The following CCSER1 variants were observed in gnomAD, a reference collection of about 807,000 sequenced individuals.
The protein encoded by CCSER1 is serine-rich coiled-coil domain-containing protein 1.
Under a neutral mutation model 82.0 loss-of-function variants are expected in CCSER1, and 41 were observed. The ratio of observed to expected loss-of-function variants is 0.50; its 90% CI spans 0.39 to 0.65. The LOEUF is 0.65. CCSER1 is among the 30% of genes least tolerant of loss of function. The pLI is 0.00. For missense variants in CCSER1, 1,119 were observed against 1,064.2 expected (o/e 1.05, Z -0.72); for synonymous variants, 414 against 383.9 (o/e 1.08, Z -0.92).
At chr4:91,363,716 GATTTTATTGAACACATTA>G (rs1360653993) in intron 10 of CCSER1, among the ~76,000 whole-genome samples, 3 of 151,732 alleles carry the variant, frequency 2.0e-5, no homozygotes, top group Non-Finnish European at 4.4e-5. Flanking sequence ...AAGAGTCAGT[GATTTTATTGAACACATTA>G]ATTTAGATAT....
At chr4:90,626,403 G>T (rs768747247) in intron 5 of CCSER1, among the ~76,000 whole-genome samples, 2 of 151,906 alleles carry the variant, frequency 1.3e-5, no homozygotes, top group South Asian at 4.1e-4. Flanking sequence ...ATTCTTATTG[G>T]TCTTAGAGAA....
At chr4:90,957,603 T>C (rs892489712) in intron 9 of CCSER1, among the ~76,000 whole-genome samples, 1 of 130,774 alleles carries the variant, frequency 7.6e-6, no homozygotes, top group South Asian at 2.2e-4. Context: ...TTATATTATA[T>C]ATAATATATA....
chr4:91,002,600 A>T (rs1189435231), intron 9 of CCSER1, among the ~76,000 whole-genome samples: 1 of 151,808 alleles, frequency 6.6e-6, no homozygotes, highest in Non-Finnish European at 1.5e-5. Context: ...TGAAGTTTTA[A>T]TTTTTTTTAA....
rs76747901 is a variant in CCSER1 at position 91,478,736 on chromosome 4, A to G, written c.2218-119836A>G. Among the ~76,000 whole-genome samples, 385 of 152,036 alleles carry G rather than the reference A, an allele frequency of 2.5e-3. 10 individuals carry two copies. In the East Asian group the frequency reaches 0.063, roughly 25 times the overall value. On this transcript the variant is annotated intron_variant, in intron 10 of 10. Coordinates refer to ENST00000509176, the MANE Select transcript of CCSER1 (RefSeq NM_001145065.2). Reference sequence around the variant, plus strand: ...ATAAATATTTCAGTTGATCATATAGATGACATTACTTATATTTCTATACCT... The same window carrying G: ...ATAAATATTTCAGTTGATCATATAGGTGACATTACTTATATTTCTATACCT...
chr4:90,355,503 A>G (rs1042173156), intron 3 of CCSER1, among the ~76,000 whole-genome samples: 1 of 152,050 alleles, frequency 6.6e-6, no homozygotes, highest in African/African-American at 2.4e-5. Flanking sequence ...ATATAAAATA[A>G]AATGAGTTAC....
At chr4:90,714,952 T>C (rs1050998798) in intron 6 of CCSER1, among the ~76,000 whole-genome samples, 1 of 152,004 alleles carries the variant, frequency 6.6e-6, no homozygotes, top group African/African-American at 2.4e-5. Context: ...GTCATTGTGG[T>C]GATGCTCTAA....
intron 10 of CCSER1, among the ~76,000 whole-genome samples, chr4:91,323,129 T>C (rs747751417): frequency 1.1e-4 from 16 of 152,110 alleles, no homozygotes; most frequent in Admixed American, 2.0e-4. Flanking sequence ...GCTGGACTCA[T>C]TGTAGCCAAC....
chr4:90,483,436 G>T (rs936791695), intron 5 of CCSER1, among the ~76,000 whole-genome samples: 6 of 152,136 alleles, frequency 3.9e-5, no homozygotes, highest in Admixed American at 6.5e-5. Flanking sequence ...TGATTGTTTT[G>T]CTTGTTAGTT....
intron 1 of CCSER1, among the ~76,000 whole-genome samples, chr4:90,202,099 A>T (rs1028511353): frequency 6.6e-6 from 1 of 152,118 alleles, no homozygotes. Flanking sequence ...TGAAAGTCTA[A>T]TTCTTTGGTT....
intron 5 of CCSER1, among the ~76,000 whole-genome samples, chr4:90,594,728 T>C (rs1441346084): frequency 6.6e-6 from 1 of 152,106 alleles, no homozygotes; most frequent in East Asian, 1.9e-4. Flanking sequence ...AATAGTAAAT[T>C]GTGAACTCTT....
chr4:90,780,455 G>A, intron 7 of CCSER1: 1 of 1,612,042 alleles, frequency 6.2e-7, no homozygotes, highest in Non-Finnish European at 8.5e-7. Context: ...ACATACCCTA[G>A]GGAATTCTGA....
intron 5 of CCSER1, among the ~76,000 whole-genome samples, chr4:90,586,411 A>G (rs1421827393): frequency 2.0e-5 from 3 of 152,214 alleles, no homozygotes; most frequent in Non-Finnish European, 4.4e-5. Context: ...ATAACTGTCA[A>G]AGAGTTGAAA....
At chr4:90,623,429 G>A (rs1397547933) in intron 5 of CCSER1, among the ~76,000 whole-genome samples, 1 of 152,128 alleles carries the variant, frequency 6.6e-6, no homozygotes, top group African/African-American at 2.4e-5. Context: ...CTGAATGAAG[G>A]CCAATGTGTT....
intron 10 of CCSER1, among the ~76,000 whole-genome samples, chr4:91,444,594 C>T (rs1431771959): frequency 6.6e-6 from 1 of 151,964 alleles, no homozygotes; most frequent in Non-Finnish European, 1.5e-5. Context: ...GGATTACAGG[C>T]GCCCACCACC....
At chr4:91,309,559 A>G (rs541824257) in intron 10 of CCSER1, among the ~76,000 whole-genome samples, 2 of 152,132 alleles carry the variant, frequency 1.3e-5, no homozygotes, top group African/African-American at 2.4e-5. Context: ...ACAATATTTC[A>G]TTTGTGATAT....
At chr4:90,645,089 A>G (rs945761059) in intron 6 of CCSER1, among the ~76,000 whole-genome samples, 5 of 151,916 alleles carry the variant, frequency 3.3e-5, no homozygotes, top group Admixed American at 6.6e-5. Context: ...TCTAAAAAAA[A>G]AAAAAAAGAA....
intron 7 of CCSER1, among the ~76,000 whole-genome samples, chr4:90,783,603 A>C (rs1754096544): frequency 6.6e-6 from 1 of 152,220 alleles, no homozygotes; most frequent in Non-Finnish European, 1.5e-5. Context: ...GGATGGGGAA[A>C]AGTAACCATC....
chr4:90,689,547 C>T (rs1735441207), intron 6 of CCSER1, among the ~76,000 whole-genome samples: 2 of 151,894 alleles, frequency 1.3e-5, no homozygotes, highest in Non-Finnish European at 2.9e-5. Flanking sequence ...TGCTCTATGC[C>T]AGGGACAGGC....
intron 1 of CCSER1, among the ~76,000 whole-genome samples, chr4:90,193,863 GGTAAAAATA>G (rs1736108763): frequency 6.6e-6 from 1 of 151,972 alleles, no homozygotes. Context: ...GGAAGCTAAA[GGTAAAAATA>G]TGCACTAGAA....
Sources: allele counts gnomAD v4.1 joint callset (sites outside exome capture counted in the v4.1 genomes callset), GRCh38; gene constraint gnomAD v4.1.1; transcripts MANE v1.5; gene names NCBI Gene and HGNC (gene_info 2026-07-23, HGNC 2026-07-21).